Variants in PDK1 observed in about 807,000 individuals in gnomAD.
PDK1 encodes the protein [Pyruvate dehydrogenase (acetyl-transferring)] kinase isozyme 1, mitochondrial.
In PDK1, 39 loss-of-function variants were observed where a neutral mutation model predicts 54.2. That is an observed-to-expected ratio of 0.72 (90% CI 0.56 to 0.94). The LOEUF (loss-of-function observed/expected upper bound fraction) is 0.94. Ranked by LOEUF, PDK1 falls within the 40% of genes least tolerant of loss-of-function variation. The pLI is 0.00. For missense variants in PDK1, 552 were observed against 566.0 expected, an observed-to-expected ratio of 0.98 and a Z score of 0.25; for synonymous variants, 221 against 207.1, an observed-to-expected ratio of 1.07 and a Z score of -0.58.
rs1458549159 is a variant in PDK1 at position 172,566,887 on chromosome 2, T to G, written c.723T>G (p.Asp241Glu). ...ATGAAAATGCTAGGCGTCTGTGTGA[T>G]TTGTATTATATTAACTCTCCCGAAC... ...DGYENARRLCDLYYINSPELE... is the reference protein window; with the variant it reads ...DGYENARRLCELYYINSPELE... Residue 241 changes from aspartate (D) to glutamate (E), a missense_variant, in exon 6 of 11, where the codon GAT becomes GAG. Transcript: ENST00000282077. The G allele has an allele frequency of 3.1e-6, 5 of 1,611,720 alleles. No individual in the cohort carries two copies. Among genetic ancestry groups the G allele is most frequent in the Non-Finnish European group, 4.2e-6 (5 of 1,178,350 alleles).
At chr2:172,717,939 C>A in the PDK1 span, among the ~76,000 whole-genome samples, 2 of 152,128 alleles carry the variant, frequency 1.3e-5, no homozygotes, top group African/African-American at 4.8e-5. Flanking sequence ...GGAAACATTA[C>A]AAAACATTTG....
At chr2:172,721,825 A>G in the PDK1 span, among the ~76,000 whole-genome samples, 3 of 152,210 alleles carry the variant, frequency 2.0e-5, no homozygotes, top group African/African-American at 4.8e-5. Context: ...AAGTGCTATC[A>G]TCATTTTCTT....
intron 9 of PDK1, among the ~76,000 whole-genome samples, chr2:172,592,299 C>G (rs567182282): frequency 1.3e-5 from 2 of 152,210 alleles, no homozygotes; most frequent in African/African-American, 4.8e-5. Flanking sequence ...CTACTTCTAT[C>G]TCTCTTTCTC....
At chr2:172,622,063 TTA>T in the PDK1 span, among the ~76,000 whole-genome samples, 1 of 147,590 alleles carries the variant, frequency 6.8e-6, no homozygotes, top group Non-Finnish European at 1.5e-5. Context: ...TGAGATATGT[TTA>T]TATCTCATAT....
chr2:172,666,711 C>T, the PDK1 span, among the ~76,000 whole-genome samples: 161 of 152,078 alleles, frequency 1.1e-3, 2 homozygotes, highest in African/African-American at 3.3e-3. Flanking sequence ...AGTAGGTGAC[C>T]GGGGTGACTA....
chr2:172,646,012 A>G, the PDK1 span, among the ~76,000 whole-genome samples: 3 of 152,230 alleles, frequency 2.0e-5, no homozygotes, highest in African/African-American at 7.2e-5. Flanking sequence ...CTCTTTATAA[A>G]CATGTACCTT....
intron 3 of PDK1, chr2:172,562,868 A>C: frequency 6.9e-7 from 1 of 1,446,860 alleles, no homozygotes; most frequent in South Asian, 1.2e-5. Flanking sequence ...TGCCTTATGC[A>C]GCTACCTGCT....
chr2:172,683,056 G>A, the PDK1 span, among the ~76,000 whole-genome samples: 2 of 151,988 alleles, frequency 1.3e-5, no homozygotes, highest in East Asian at 1.9e-4. Flanking sequence ...TTTAAAAAAC[G>A]TATAAAGAGG....
the PDK1 span, among the ~76,000 whole-genome samples, chr2:172,651,133 CA>C: frequency 6.6e-6 from 1 of 152,122 alleles, no homozygotes; most frequent in Non-Finnish European, 1.5e-5. Context: ...TCTCTCAGAC[CA>C]CAGTGCAATC....
the PDK1 span, among the ~76,000 whole-genome samples, chr2:172,652,784 A>G: frequency 6.6e-6 from 1 of 152,222 alleles, no homozygotes; most frequent in Non-Finnish European, 1.5e-5. Flanking sequence ...GACCTCTTCA[A>G]GGAGAACTAC....
the PDK1 span, among the ~76,000 whole-genome samples, chr2:172,622,970 C>T: frequency 1.2e-3 from 185 of 149,752 alleles, 1 homozygote; most frequent in African/African-American, 4.3e-3. Flanking sequence ...GATAGATCTC[C>T]TATTAGTTCT....
the PDK1 span, among the ~76,000 whole-genome samples, chr2:172,685,202 C>T: frequency 6.6e-6 from 1 of 152,176 alleles, no homozygotes; most frequent in Non-Finnish European, 1.5e-5. Context: ...AGTGTGAAAA[C>T]AGACTAATAC....
At chr2:172,659,251 T>TC in the PDK1 span, among the ~76,000 whole-genome samples, 1 of 152,150 alleles carries the variant, frequency 6.6e-6, no homozygotes, top group African/African-American at 2.4e-5. Flanking sequence ...GGGGGCGGTT[T>TC]CCCCCGATAA....
chr2:172,562,893 G>A (rs896544650), intron 3 of PDK1: 5 of 1,149,982 alleles, frequency 4.3e-6, no homozygotes, highest in African/African-American at 3.1e-5. Flanking sequence ...GCAGTGAAGG[G>A]TACTGAGAGT....
rs148170600 is a variant in PDK1, at chr2:172,591,647, G to A, written c.1057-1288G>A. ...AGGGGTATTAGTTGTATGGCCCTGC[G>A]CTGATGGACTTGAGCTTTGAGGGGC... On this transcript the variant is annotated intron_variant, in intron 9 of 10. Coordinates refer to ENST00000282077, the MANE Select transcript of PDK1 (RefSeq NM_002610.5). Among the ~76,000 whole-genome samples the A allele has an allele frequency of 1.3e-3, 193 of 152,254 alleles. 1 individual carries two copies. Among genetic ancestry groups the A allele is most frequent in the African/African-American group, 4.4e-3 (181 of 41,544 alleles).
intron 6 of PDK1, among the ~76,000 whole-genome samples, chr2:172,567,688 A>G (rs749200030): frequency 4.6e-5 from 7 of 152,256 alleles, no homozygotes; most frequent in Non-Finnish European, 1.0e-4. Flanking sequence ...GGTAAATAAC[A>G]ATCACAGTGT....
At chr2:172,704,814 AGAAC>A in the PDK1 span, among the ~76,000 whole-genome samples, 103 of 152,240 alleles carry the variant, frequency 6.8e-4, no homozygotes, top group South Asian at 1.2e-3. Context: ...ATGGTCACAT[AGAAC>A]TGTAGCCAGG....
intron 8 of PDK1, among the ~76,000 whole-genome samples, chr2:172,581,152 G>A (rs1361438841): frequency 6.6e-6 from 1 of 152,176 alleles, no homozygotes; most frequent in Non-Finnish European, 1.5e-5. Flanking sequence ...GAGTGCGGTG[G>A]CATGATCTCA....
At chr2:172,579,039 A>T (rs1046793484) in intron 8 of PDK1, among the ~76,000 whole-genome samples, 12 of 152,192 alleles carry the variant, frequency 7.9e-5, no homozygotes, top group Admixed American at 7.2e-4. Flanking sequence ...TTTCCTGAGC[A>T]TGACCCTGGG....
Sources: allele counts gnomAD v4.1 joint callset (sites outside exome capture counted in the v4.1 genomes callset), GRCh38; gene constraint gnomAD v4.1.1; transcripts MANE v1.5; gene names NCBI Gene and HGNC (gene_info 2026-07-23, HGNC 2026-07-21).